Variants in MYO1E observed in about 807,000 individuals in gnomAD.
MYO1E encodes the protein unconventional myosin-Ie.
MYO1E carries 68 observed loss-of-function variants against 151.1 expected under a neutral mutation model. That is an observed-to-expected ratio of 0.45 (90% confidence interval 0.37 to 0.55). The LOEUF (loss-of-function observed/expected upper bound fraction) is 0.55, where lower values mean the gene tolerates loss of function less well. Ranked by LOEUF, MYO1E falls within the 20% of genes least tolerant of loss-of-function variation. The pLI is 0.00. For missense variants in MYO1E, 1,363 were observed against 1,389.3 expected (o/e 0.98, Z 0.30); for synonymous variants, 601 against 501.7 (o/e 1.20, Z -2.64).
intron 13 of MYO1E, 78 bp from the exon 14 acceptor site, chr15:59,208,926 C>T (rs1274726188): frequency 2.6e-6 from 4 of 1,541,384 alleles, no homozygotes; most frequent in Non-Finnish European, 3.6e-6. Flanking sequence ...CTTTCTTAGG[C>T]AAGGAAACAG....
At chr15:59,158,176 G>C (rs2079519043) in intron 25 of MYO1E, 111 bp downstream of exon 25, 1 of 959,486 alleles carries the variant, frequency 1.0e-6, no homozygotes, top group Non-Finnish European at 1.6e-6. Flanking sequence ...AATGGTCCAT[G>C]CCTGGTTAAT....
rs765363846 is a variant in MYO1E at position 59,224,844 on chromosome 15, T to G, written c.643-21A>C. 7.4e-6 allele frequency: 12 copies of G among 1,614,072 alleles called. No homozygotes were observed. In the South Asian group the frequency reaches 1.2e-4, roughly 16 times the overall value. On this transcript the variant is annotated intron_variant, in intron 7 of 27. Transcript: ENST00000288235. ...ATGAGCTGGAGCAAGAGAACACAGG[T>G]TGAGCCATGATGTGGACCACAAGGC...
At chr15:59,180,940 C>G (rs1314499910) in intron 18 of MYO1E, among the ~76,000 whole-genome samples, 2 of 152,138 alleles carry the variant, frequency 1.3e-5, no homozygotes, top group Non-Finnish European at 2.9e-5. Context: ...GCCTTTGTGC[C>G]AGCTCCTCTT....
At chr15:59,328,146 GA>G (rs2080677145) in intron 1 of MYO1E, among the ~76,000 whole-genome samples, 1 of 152,240 alleles carries the variant, frequency 6.6e-6, no homozygotes, top group Non-Finnish European at 1.5e-5. Flanking sequence ...GAGGGTGAGA[GA>G]AAGTTCACCC....
At chr15:59,144,220 G>A (rs751155232) in intron 26 of MYO1E, among the ~76,000 whole-genome samples, 7 of 152,060 alleles carry the variant, frequency 4.6e-5, no homozygotes, top group Non-Finnish European at 1.0e-4. Flanking sequence ...AGGCTGGAGT[G>A]CAGTGGCATG....
intron 1 of MYO1E, among the ~76,000 whole-genome samples, chr15:59,319,156 C>CA (rs746757723): frequency 1.7e-3 from 250 of 151,388 alleles, no homozygotes; most frequent in Non-Finnish European, 3.0e-3. Context: ...ACCAAAAATA[C>CA]AAAAAAAAGC....
rs1435807162 is a variant in MYO1E at position 59,133,544 on chromosome 15, G to C, written c.*3836C>G. The stretch of plus-strand genomic sequence containing the variant: ...AGGGAAAAAGACATCAAGATTAGTG[G>C]GTAGGAATAAAACCAAGTTACTAAA... On this transcript the variant is annotated 3_prime_UTR_variant, in exon 28 of 28. Coordinates refer to ENST00000288235, the MANE Select transcript of MYO1E (RefSeq NM_004998.4). The C allele has an allele frequency of 6.6e-6, 1 of 152,052 alleles. No individual in the cohort carries two copies. Among genetic ancestry groups the C allele is most frequent in the East Asian group, 1.9e-4 (1 of 5,170 alleles). 9.4% of individuals were successfully genotyped at this position (152,052 alleles called of 1,614,324 possible).
intron 18 of MYO1E, among the ~76,000 whole-genome samples, chr15:59,186,404 T>A (rs1385735623): frequency 4.0e-5 from 6 of 149,486 alleles, no homozygotes; most frequent in Admixed American, 1.3e-4. Flanking sequence ...AATCTGAATT[T>A]TAAAAAAAAA....
intron 2 of MYO1E, chr15:59,271,033 T>C (rs1477562080): frequency 2.0e-5 from 3 of 152,222 alleles, no homozygotes; most frequent in Non-Finnish European, 4.4e-5. Flanking sequence ...CTACAGATAT[T>C]GGTAAAATTC....
At chr15:59,348,423 T>G (rs1165038331) in intron 1 of MYO1E, among the ~76,000 whole-genome samples, 2 of 152,210 alleles carry the variant, frequency 1.3e-5, no homozygotes, top group Non-Finnish European at 2.9e-5. Context: ...CCACAATGCT[T>G]AAACATCCAT....
At chr15:59,198,042 A>T (rs1454065502) in intron 16 of MYO1E, among the ~76,000 whole-genome samples, 1 of 151,932 alleles carries the variant, frequency 6.6e-6, no homozygotes, top group Admixed American at 6.6e-5. Flanking sequence ...TTGAAAAAAA[A>T]TTTTTGTAGA....
intron 10 of MYO1E, among the ~76,000 whole-genome samples, chr15:59,215,522 C>G (rs765470521): frequency 6.6e-6 from 1 of 151,956 alleles, no homozygotes; most frequent in Non-Finnish European, 1.5e-5. Context: ...GATGTAATGA[C>G]AGCAAGGGAG....
At chr15:59,353,363 A>G (rs1301517774) in intron 1 of MYO1E, among the ~76,000 whole-genome samples, 1 of 143,430 alleles carries the variant, frequency 7.0e-6, no homozygotes, top group East Asian at 2.0e-4. Flanking sequence ...TCTCAAAAAA[A>G]AAAAAAAAAA....
chr15:59,268,720 A>ATGTTTTTTTTTTTTTTTTTTT (rs2080271280), intron 2 of MYO1E, among the ~76,000 whole-genome samples: 1 of 44,906 alleles, frequency 2.2e-5, no homozygotes, highest in Non-Finnish European at 4.9e-5. Context: ...TGACTTTGGT[A>ATGTTTTTTTTTTTTTTTTTTT]TTTTTTTTTT....
At chr15:59,245,871 A>G (rs1473425225) in intron 4 of MYO1E, among the ~76,000 whole-genome samples, 1 of 152,262 alleles carries the variant, frequency 6.6e-6, no homozygotes, top group Non-Finnish European at 1.5e-5. Flanking sequence ...GGTAGAGATC[A>G]TGAACAAAGC....
At chr15:59,289,580 T>A (rs184961110) in intron 1 of MYO1E, among the ~76,000 whole-genome samples, 2 of 152,198 alleles carry the variant, frequency 1.3e-5, no homozygotes, top group Non-Finnish European at 2.9e-5. Context: ...TGTCTGCTTA[T>A]GGGAAGAAAG....
At chr15:59,145,394 T>C (rs1210300390) in intron 26 of MYO1E, among the ~76,000 whole-genome samples, 1 of 152,130 alleles carries the variant, frequency 6.6e-6, no homozygotes, top group Non-Finnish European at 1.5e-5. Context: ...ACCAAATCAT[T>C]GACAACAAAG....
At chr15:59,174,441 CT>C (rs2079612862) in intron 19 of MYO1E, among the ~76,000 whole-genome samples, 2 of 151,756 alleles carry the variant, frequency 1.3e-5, no homozygotes, top group African/African-American at 4.8e-5. Flanking sequence ...ACCTTTTTTT[CT>C]TTTAATGGAA....
intron 5 of MYO1E, among the ~76,000 whole-genome samples, chr15:59,236,352 G>GAA (rs57488716): frequency 0.12 from 13,897 of 116,300 alleles, 2,239 homozygotes; most frequent in East Asian, 0.44. Flanking sequence ...TCTCAAAAAA[G>GAA]AAAAAAAAAA....
Sources: gnomAD v4.1 joint callset for allele counts (sites outside exome capture counted in the v4.1 genomes callset) on GRCh38, gnomAD v4.1.1 for gene constraint, MANE v1.5 for transcripts, NCBI Gene and HGNC (gene_info 2026-07-23, HGNC 2026-07-21) for gene names.